The following SYTL2 variants were observed in gnomAD, a reference collection of about 807,000 sequenced individuals.
SYTL2 encodes the protein synaptotagmin-like protein 2.
Under a neutral mutation model 198.7 loss-of-function variants are expected in SYTL2, and 165 were observed. The ratio of observed to expected loss-of-function variants is 0.83; its 90% CI spans 0.73 to 0.94. The LOEUF (loss-of-function observed/expected upper bound fraction) is 0.94. SYTL2 is among the 40% of genes least tolerant of loss of function. SYTL2 has a pLI of 0.00. For synonymous variants in SYTL2, 966 were observed against 917.7 expected (o/e 1.05, Z -0.95); for missense variants, 2,835 against 2,582.8 (o/e 1.10, Z -2.12).
In SYTL2 at chr11:85,748,394, T is replaced by C; in HGVS notation, c.131A>G (p.Gln44Arg). The change falls in exon 3 of 20, where the codon CAG becomes CGG. Residue 44 changes from glutamine to arginine, a missense_variant. Transcript: ENST00000359152. Reference protein sequence around the residue: ...RHLPEKIKDDQQLKNMSGQWF... With the variant: ...RHLPEKIKDDRQLKNMSGQWF... ...TTGGCCACTCATATTCTTCAGCTGCTGGTCATCCTTAATTTTTTCAGGCAA... is the reference window on the plus strand; with the variant it reads ...TTGGCCACTCATATTCTTCAGCTGCCGGTCATCCTTAATTTTTTCAGGCAA... 1 of 1,614,026 alleles carries C rather than the reference T, an allele frequency of 6.2e-7. No homozygotes were observed. The highest frequency in any genetic ancestry group is 8.5e-7 in the Non-Finnish European group (1 of 1,179,924).
At position 85,695,304 on chromosome 11, in the gene SYTL2, G is replaced by C; in HGVS notation, c.6611C>G (p.Ser2204Cys). The C allele has an allele frequency of 1.2e-6, 2 of 1,611,356 alleles. No individual in the cohort carries two copies. Among genetic ancestry groups the C allele is most frequent in the African/African-American group, 1.3e-5 (1 of 74,974 alleles). Reference protein sequence around the residue: ...SYGTEVDWMDSTSEEVALWEK... With the variant: ...SYGTEVDWMDCTSEEVALWEK... Reference sequence around the variant, plus strand: ...CCAGAGAGCAACTTCCTCTGAAGTAGAGTCCATCCAGTCCACTTCAGTCCC... The same window carrying C: ...CCAGAGAGCAACTTCCTCTGAAGTACAGTCCATCCAGTCCACTTCAGTCCC... The change falls in exon 20 of 20, where the codon TCT becomes TGT. Residue 2204 changes from serine to cysteine, a missense_variant. Ser to Cys is a moderately radical substitution (Grantham distance 112, BLOSUM62 -1). This residue lies in a region of SYTL2 where 185 missense variants were observed against 182.1 expected (regional missense o/e 1.02). Transcript: ENST00000359152.
At chr11:85,834,462 C>T in the SYTL2 span, among the ~76,000 whole-genome samples, 14 of 151,982 alleles carry the variant, frequency 9.2e-5, no homozygotes, top group Admixed American at 2.0e-4. Flanking sequence ...TTTTTAAAGC[C>T]CTTATCTTAA....
chr11:85,833,098 AGAAGGAAGGAAG>A, the SYTL2 span, among the ~76,000 whole-genome samples: 876 of 32,428 alleles, frequency 0.027, 71 homozygotes, highest in East Asian at 0.071. Flanking sequence ...AAAGAAAGAA[AGAAGGAAGGAAG>A]GAAGGAAGGA....
chr11:85,734,490 G>C lies in SYTL2; in HGVS notation c.839C>G (p.Ser280Cys), dbSNP rs748907133. ...AAGGGTTTCTGAGTCTGTGCTACTG[G>C]AACTGGAGTTGCGCTTGAGGATCCC... The part of the protein sequence containing the change: ...PRGILKRNSS[S>C]SSTDSETLRY... The change falls in exon 7 of 20, where the codon TCC becomes TGC. Residue 280 changes from serine to cysteine, a missense_variant. By Grantham distance (112) the Ser-to-Cys change is moderately radical. Around this residue, in one of 3 missense-constraint regions of SYTL2, gnomAD observed 2,645 missense variants for 2,381.7 expected, o/e 1.11. Coordinates refer to ENST00000359152, the MANE Select transcript of SYTL2 (RefSeq NM_206927.4). 4.3e-6 allele frequency: 7 copies of C among 1,614,244 alleles called. No homozygotes were observed. In the South Asian group the frequency reaches 7.7e-5, roughly 18 times the overall value.
Position 85,779,523 on chromosome 11 carries a change from T to A in SYTL2, c.-389-21409A>T, listed in dbSNP as rs1030832151. Among the ~76,000 whole-genome samples the A allele has an allele frequency of 3.9e-5, 6 of 152,200 alleles. No homozygotes were observed. The South Asian group carries it at 1.2e-3, about 32-fold the overall frequency. On this transcript the variant is annotated intron_variant, in intron 1 of 19. Transcript: ENST00000359152. ...AATTACTATGTTGTGTATAGATATG[T>A]GTATATATGGATATATTATAGATAT...
chr11:85,844,716 G>A, the SYTL2 span, among the ~76,000 whole-genome samples: 1 of 152,186 alleles, frequency 6.6e-6, no homozygotes, highest in Non-Finnish European at 1.5e-5. Context: ...CTGGAACCAA[G>A]TGAGTGACCC....
At chr11:85,844,294 T>C in the SYTL2 span, among the ~76,000 whole-genome samples, 1 of 152,224 alleles carries the variant, frequency 6.6e-6, no homozygotes, top group African/African-American at 2.4e-5. Context: ...GGTAAAATAG[T>C]ATGTCCTCAA....
the SYTL2 span, among the ~76,000 whole-genome samples, chr11:85,828,225 T>C: frequency 1.3e-5 from 2 of 152,124 alleles, no homozygotes; most frequent in Admixed American, 1.3e-4. Flanking sequence ...GGCAGAAAAA[T>C]GAACTAAATA....
intron 1 of SYTL2, among the ~76,000 whole-genome samples, chr11:85,790,652 G>A (rs933690875): frequency 6.6e-6 from 1 of 152,130 alleles, no homozygotes; most frequent in East Asian, 1.9e-4. Flanking sequence ...CATGATTCCA[G>A]GGATTCTACA....
At chr11:85,745,147 C>T (rs1208420519) in intron 4 of SYTL2, among the ~76,000 whole-genome samples, 4 of 152,164 alleles carry the variant, frequency 2.6e-5, no homozygotes, top group Non-Finnish European at 5.9e-5. Flanking sequence ...AATATAGACT[C>T]AGAAAGGTTA....
At chr11:85,696,515 G>A (rs911786431) in intron 18 of SYTL2, 127 bp from the exon 19 acceptor site, 7 of 805,188 alleles carry the variant, frequency 8.7e-6, no homozygotes, top group Non-Finnish European at 1.4e-5. Flanking sequence ...TAGTGGTGGT[G>A]GTGGTTTGGC....
chr11:85,852,138 A>C, the SYTL2 span, among the ~76,000 whole-genome samples: 1 of 152,342 alleles, frequency 6.6e-6, no homozygotes, highest in Non-Finnish European at 1.5e-5. Flanking sequence ...CAAGTTCTTA[A>C]TACGTTATTA....
At chr11:85,740,387 T>C (rs1178074425) in intron 4 of SYTL2, among the ~76,000 whole-genome samples, 6 of 152,202 alleles carry the variant, frequency 3.9e-5, no homozygotes, top group South Asian at 2.1e-4. Context: ...TCACCTCTTA[T>C]ATCAACCTGG....
intron 1 of SYTL2, among the ~76,000 whole-genome samples, chr11:85,799,810 A>C (rs188367889): frequency 6.6e-6 from 1 of 152,168 alleles, no homozygotes; most frequent in Admixed American, 6.5e-5. Flanking sequence ...GTAATTACAG[A>C]TATCTATTTT....
intron 11 of SYTL2, 32 bp from the exon 12 acceptor site, chr11:85,714,539 T>C (rs770830875): frequency 3.8e-6 from 6 of 1,595,154 alleles, no homozygotes; most frequent in Non-Finnish European, 5.2e-6. Context: ...TCAAAATTAT[T>C]CTTACAATTG....
rs749808235 is a variant in SYTL2 at position 85,734,718 on chromosome 11, T to G, written c.611A>C (p.Lys204Thr). ...GATTGAAGTATCTGCGACAGTTGACTTTTCTTTTGACTCTGACAATTCATC... is the reference window on the plus strand; with the variant it reads ...GATTGAAGTATCTGCGACAGTTGACGTTTCTTTTGACTCTGACAATTCATC... ...KEDELSESKE[K>T]STVADTSIQK... The change falls in exon 7 of 20, where the codon AAG becomes ACG. Residue 204 changes from lysine to threonine, a missense_variant. Coordinates refer to ENST00000359152, the MANE Select transcript of SYTL2 (RefSeq NM_206927.4). 6.2e-7 allele frequency: 1 copy of G among 1,612,896 alleles called. No individual in the cohort carries two copies. Among genetic ancestry groups the G allele is most frequent in the South Asian group, 1.1e-5 (1 of 90,816 alleles).
chr11:85,695,000 T>C lies in SYTL2; in HGVS notation c.*195A>G, dbSNP rs973275825. ...CTTATTTAATATTAGAGTCACAAAT[T>C]ACACATTTTGTTATATTTAAATCCC... On this transcript the variant is annotated 3_prime_UTR_variant, in exon 20 of 20. Transcript: ENST00000359152. The C allele has an allele frequency of 1.4e-5, 6 of 425,262 alleles. No individual in the cohort carries two copies. The highest frequency in any genetic ancestry group is 4.2e-5 in the Admixed American group (1 of 24,030). The allele number at this position is 425,262 out of a possible 1,614,324, so 26.3% of individuals were successfully genotyped here.
intron 1 of SYTL2, among the ~76,000 whole-genome samples, chr11:85,776,224 T>G (rs1400163130): frequency 6.6e-6 from 1 of 152,212 alleles, no homozygotes; most frequent in East Asian, 1.9e-4. Context: ...TGCCCAATCT[T>G]GAACTTCCCA....
At chr11:85,788,410 T>C (rs2092671262) in intron 1 of SYTL2, among the ~76,000 whole-genome samples, 2 of 152,198 alleles carry the variant, frequency 1.3e-5, no homozygotes, top group East Asian at 1.9e-4. Context: ...GCAGAGTTAG[T>C]GTCAGATCCC....
Sources: gnomAD v4.1 joint callset for allele counts (sites outside exome capture counted in the v4.1 genomes callset) on GRCh38, gnomAD v4.1.1 for gene constraint, gnomAD v4.1.1 regional missense constraint, MANE v1.5 for transcripts, NCBI Gene and HGNC (gene_info 2026-07-23, HGNC 2026-07-21) for gene names.